ABCA1: variants seen among roughly 807,000 people sequenced by gnomAD.
The protein encoded by ABCA1 is phospholipid-transporting ATPase ABCA1.
ABCA1 carries 133 observed loss-of-function variants against 262.5 expected under a neutral mutation model. The ratio of observed to expected loss-of-function variants is 0.51; its 90% CI spans 0.44 to 0.59. ABCA1 has a LOEUF of 0.59. ABCA1 is among the 20% of genes least tolerant of loss of function. ABCA1 has a pLI of 0.00. For synonymous variants in ABCA1, 1,022 were observed against 1,043.5 expected (o/e 0.98, Z 0.40); for missense variants, 2,452 against 2,777.5 (o/e 0.88, Z 2.63).
At chr9:104,791,325 T>C (rs1484531734) in intron 43 of ABCA1, among the ~76,000 whole-genome samples, 1 of 152,138 alleles carries the variant, frequency 6.6e-6, no homozygotes, top group Non-Finnish European at 1.5e-5. Flanking sequence ...CAAAAGGGCA[T>C]AAAAGAACAC....
At chr9:104,922,806 G>A (rs1441992126) in intron 1 of ABCA1, among the ~76,000 whole-genome samples, 3 of 152,074 alleles carry the variant, frequency 2.0e-5, no homozygotes, top group Admixed American at 6.6e-5. Context: ...CCGCCTCCCA[G>A]GTTCAAGCAA....
Position 104,830,696 on chromosome 9 carries a change from A to T in ABCA1, c.1892+229T>A, listed in dbSNP as rs116877428. Among the ~76,000 whole-genome samples, 8,148 of 152,206 alleles carry T rather than the reference A, an allele frequency of 0.054. 303 individuals carry two copies. Among genetic ancestry groups the T allele is most frequent in the Middle Eastern group, 0.095 (28 of 294 alleles). On this transcript the variant is annotated intron_variant, in intron 14 of 49. Coordinates refer to ENST00000374736, the MANE Select transcript of ABCA1 (RefSeq NM_005502.4). ...CAGAGCGAGACTCCATCTCAAAAAAAAAAATAAAAATAAAAAGATAAAAGT... is the reference window on the plus strand; with the variant it reads ...CAGAGCGAGACTCCATCTCAAAAAATAAAATAAAAATAAAAAGATAAAAGT...
intron 7 of ABCA1, among the ~76,000 whole-genome samples, chr9:104,848,567 A>G (rs1356120434): frequency 6.6e-6 from 1 of 151,710 alleles, no homozygotes; most frequent in Non-Finnish European, 1.5e-5. Context: ...GTGAGCCAAG[A>G]TGGCGCCAAT....
chr9:104,837,001 G>A lies in ABCA1; in HGVS notation c.1290C>T (p.Ser430=). Residue 430 remains serine (S), a synonymous_variant, in exon 11 of 50, where the codon AGC becomes AGT. Coordinates refer to ENST00000374736, the MANE Select transcript of ABCA1 (RefSeq NM_005502.4). The part of the protein sequence containing the change: ...SPKIWTFMEN[S]QEMDLVRMLL... ...TCACCCGGACAAGGTCCATTTCTTG[G>A]CTGTTCTCCATGAAGGTCCAGATCT... 6.2e-7 allele frequency: 1 copy of A among 1,614,008 alleles called. No homozygotes were observed. The highest frequency in any genetic ancestry group is 8.5e-7 in the Non-Finnish European group (1 of 1,179,894).
intron 1 of ABCA1, among the ~76,000 whole-genome samples, chr9:104,923,059 G>A (rs916165920): frequency 3.9e-5 from 6 of 152,102 alleles, no homozygotes; most frequent in African/African-American, 9.7e-5. Context: ...CCAAAAATAC[G>A]TATATCTTAA....
Position 104,884,412 on chromosome 9 carries a change from T to C in ABCA1, c.302+15A>G. On this transcript the variant is annotated intron_variant, in intron 4 of 49. Coordinates refer to ENST00000374736, the MANE Select transcript of ABCA1 (RefSeq NM_005502.4). ...AACTGACAAGTTTGGAAAGAAAACC[T>C]GATCTGATACTTACATGGATTTGTT... 1 of 1,614,166 alleles carries C rather than the reference T, an allele frequency of 6.2e-7. No individual in the cohort carries two copies. The highest frequency in any genetic ancestry group is 8.5e-7 in the Non-Finnish European group (1 of 1,180,008).
At chr9:104,796,581 G>A (rs575083852) in intron 37 of ABCA1, among the ~76,000 whole-genome samples, 157 bp from the exon 38 acceptor site, 5 of 152,222 alleles carry the variant, frequency 3.3e-5, no homozygotes, top group Non-Finnish European at 5.9e-5. Context: ...CAAAATACCC[G>A]ACAATACATT....
intron 2 of ABCA1, among the ~76,000 whole-genome samples, chr9:104,893,990 G>GTGAGGTAGGTTGTATCAT (rs1187187064): frequency 1.3e-5 from 2 of 152,186 alleles, no homozygotes; most frequent in Admixed American, 1.3e-4. Context: ...TAATAACCCT[G>GTGAGGTAGGTTGTATCAT]TGAGGTAGGT....
At chr9:104,913,960 C>T (rs1187340565) in intron 1 of ABCA1, among the ~76,000 whole-genome samples, 4 of 74,510 alleles carry the variant, frequency 5.4e-5, no homozygotes, top group Non-Finnish European at 9.6e-5. Flanking sequence ...CCAACACGCC[C>T]GGCTAATTTT....
At chr9:104,823,083 T>A (rs537883129) in intron 18 of ABCA1, among the ~76,000 whole-genome samples, 17 of 147,490 alleles carry the variant, frequency 1.2e-4, no homozygotes, top group African/African-American at 3.2e-4. Flanking sequence ...AAAAAGCCAG[T>A]ATCAAAAGGA....
rs981156623 is a variant in ABCA1, at chr9:104,821,238, T to C, written c.2960+137A>G. 3.0e-5 allele frequency: 37 copies of C among 1,245,084 alleles called. No individual in the cohort carries two copies. The Middle Eastern group carries it at 8.5e-4, about 29-fold the overall frequency. 77.1% of individuals were successfully genotyped at this position (1,245,084 alleles called of 1,614,324 possible). A position where few individuals can be genotyped will look rare whatever the true frequency, so the allele number is the denominator to read the frequency against. ...AGCCTGGCTACAGAGCGAGACTCCA[T>C]CTCAAAAAAATAAAAAAGAAAAAAA... On this transcript the variant is annotated intron_variant, in intron 20 of 49. Transcript: ENST00000374736.
rs548468204 is a variant in ABCA1 at position 104,816,155 on chromosome 9, C to T, written c.3726G>A (p.Thr1242=). Residue 1242 remains threonine (T), a synonymous_variant, in exon 25 of 50, where the codon ACG becomes ACA. Transcript: ENST00000374736. ...CCACTTAACTTACTTCTTCCAGGGT[C>T]GTCTCTGAGATGCCATAACTAGAAA... ...LGISSYGISE[T]TLEEIFLKVA... is the part of the protein sequence containing the mutation. The T allele has an allele frequency of 8.7e-5, 140 of 1,614,158 alleles. No individual in the cohort carries two copies. The South Asian group carries it at 1.3e-3, about 14-fold the overall frequency.
At chr9:104,807,061 T>C (rs559060127) in intron 30 of ABCA1, among the ~76,000 whole-genome samples, 65 of 152,250 alleles carry the variant, frequency 4.3e-4, no homozygotes, top group African/African-American at 1.4e-3. Flanking sequence ...TTCTATTTTT[T>C]AGGAATAATA....
chr9:104,911,008 C>T (rs1447137785), intron 1 of ABCA1, among the ~76,000 whole-genome samples: 4 of 152,204 alleles, frequency 2.6e-5, no homozygotes, highest in Non-Finnish European at 5.9e-5. Flanking sequence ...TGCCCGGCCT[C>T]AGTATCTCTC....
At chr9:104,852,237 A>G (rs1337379406) in intron 7 of ABCA1, among the ~76,000 whole-genome samples, 2 of 152,216 alleles carry the variant, frequency 1.3e-5, no homozygotes, top group Non-Finnish European at 2.9e-5. Flanking sequence ...ACCACAAATC[A>G]AAGACTATCA....
rs137854496 is a variant in ABCA1 at position 104,831,048 on chromosome 9, C to G, written c.1769G>C (p.Trp590Ser). The change falls in exon 14 of 50, where the codon TGG becomes TCG. Residue 590 changes from tryptophan (W) to serine (S), a missense_variant. Transcript: ENST00000374736. Reference sequence around the variant, plus strand: ...ATCCTGCAAGTAGGCGAAGCCCCCCCAGACGTACCGCATGTCCTCAAAGGG... The same window carrying G: ...ATCCTGCAAGTAGGCGAAGCCCCCCGAGACGTACCGCATGTCCTCAAAGGG... ...ADPFEDMRYVWGGFAYLQDVV... is the reference protein window; with the variant it reads ...ADPFEDMRYVSGGFAYLQDVV... The G allele has an allele frequency of 5.1e-5, 83 of 1,613,612 alleles. No homozygotes were observed. Among genetic ancestry groups the G allele is most frequent in the Non-Finnish European group, 3.4e-5 (40 of 1,179,962 alleles).
chr9:104,866,976 T>C (rs970938404), intron 5 of ABCA1, among the ~76,000 whole-genome samples: 3 of 152,162 alleles, frequency 2.0e-5, no homozygotes, highest in African/African-American at 7.2e-5. Flanking sequence ...AATGAATGAA[T>C]AGATGGATGG....
chr9:104,897,980 CAAG>C (rs1222366940), intron 2 of ABCA1, among the ~76,000 whole-genome samples: 3 of 152,104 alleles, frequency 2.0e-5, no homozygotes, highest in Non-Finnish European at 2.9e-5. Flanking sequence ...CTGTGAGAAT[CAAG>C]AAAGTAATGG....
intron 2 of ABCA1, among the ~76,000 whole-genome samples, chr9:104,897,748 C>T (rs1292706993): frequency 6.6e-6 from 1 of 152,186 alleles, no homozygotes; most frequent in Non-Finnish European, 1.5e-5. Context: ...GGATTACAGG[C>T]AAGTGCTACC....
Sources: gnomAD v4.1 joint callset for allele counts (sites outside exome capture counted in the v4.1 genomes callset) on GRCh38, gnomAD v4.1.1 for gene constraint, MANE v1.5 for transcripts, NCBI Gene and HGNC (gene_info 2026-07-23, HGNC 2026-07-21) for gene names.